RNF44: variants seen among roughly 807,000 people sequenced by gnomAD.
RNF44 encodes ring finger protein 44.
RNF44 carries 25 observed loss-of-function variants against 53.6 expected under a neutral mutation model. The ratio of observed to expected loss-of-function variants is 0.47; its 90% CI spans 0.34 to 0.65. RNF44 has a LOEUF of 0.65. Ranked by LOEUF, RNF44 falls within the 30% of genes least tolerant of loss-of-function variation. The pLI, the probability that RNF44 is intolerant of heterozygous loss-of-function variation, is 0.01. For synonymous variants in RNF44, 282 were observed against 252.2 expected, an observed-to-expected ratio of 1.12 and a Z score of -1.12; for missense variants, 581 against 595.5, an observed-to-expected ratio of 0.98 and a Z score of 0.25.
At chr5:176,530,414 GGTGC>G (rs1561845434) in intron 6 of RNF44, among the ~76,000 whole-genome samples, 164 bp downstream of exon 6, 1 of 106,578 alleles carries the variant, frequency 9.4e-6, no homozygotes, top group African/African-American at 3.5e-5. Flanking sequence ...CCGGAGCCCA[GGTGC>G]AAGTCAGCCC....
chr5:176,528,881 G>C lies in RNF44; in HGVS notation c.*147C>G. On this transcript the variant is annotated 3_prime_UTR_variant, in exon 11 of 11. Transcript: ENST00000274811. ...CAGGGGCTTATTGCAGGGACTCCTC[G>C]CTGGGCTGACCCTGGCACCAGCTCT... The C allele has an allele frequency of 2.7e-6, 2 of 729,424 alleles. No homozygotes were observed. Among genetic ancestry groups the C allele is most frequent in the Admixed American group, 2.9e-5 (1 of 34,644 alleles). 45.2% of individuals were successfully genotyped at this position (729,424 alleles called of 1,614,324 possible). A position where few individuals can be genotyped will look rare whatever the true frequency, so the allele number is the denominator to read the frequency against.
At chr5:176,536,656 G>A (rs1050997236) in intron 1 of RNF44, among the ~76,000 whole-genome samples, 1 of 152,126 alleles carries the variant, frequency 6.6e-6, no homozygotes, top group Non-Finnish European at 1.5e-5. Flanking sequence ...TGTGCTCGGC[G>A]TGAGACAAAA....
At chr5:176,533,004 G>A (rs1176823253) in intron 1 of RNF44, among the ~76,000 whole-genome samples, 1 of 152,158 alleles carries the variant, frequency 6.6e-6, no homozygotes, top group Non-Finnish European at 1.5e-5. Flanking sequence ...CAGCGAGCTG[G>A]CCAGCGTGCT....
At position 176,537,242 on chromosome 5, in the gene RNF44, C is replaced by G. The variant is rs945287127; in HGVS notation, c.-347G>C. 5.3e-5 allele frequency: 8 copies of G among 152,324 alleles called. No homozygotes were observed. The highest frequency in any genetic ancestry group is 1.9e-4 in the African/African-American group (8 of 41,474). The allele number at this position is 152,324 out of a possible 1,614,324, so 9.4% of individuals were successfully genotyped here. ...GACGCAGCTGGGTCTGCGCGGCAGCCGGCGGCTGGCCCTTTAAGAACTGTC... is the reference window on the plus strand; with the variant it reads ...GACGCAGCTGGGTCTGCGCGGCAGCGGGCGGCTGGCCCTTTAAGAACTGTC... On this transcript the variant is annotated 5_prime_UTR_variant, in exon 1 of 11. Coordinates refer to ENST00000274811, the MANE Select transcript of RNF44 (RefSeq NM_014901.5).
rs931621195 is a variant in RNF44 at position 176,528,792 on chromosome 5, G to A, written c.*236C>T. On this transcript the variant is annotated 3_prime_UTR_variant, in exon 11 of 11. Coordinates refer to ENST00000274811, the MANE Select transcript of RNF44 (RefSeq NM_014901.5). ...GGGAGACCCGATCAGGGACACTCAG[G>A]CAGCTCCGTGGCGGGCGGGCAGGCA... The A allele has an allele frequency of 3.4e-6, 2 of 582,604 alleles. No homozygotes were observed. The highest frequency in any genetic ancestry group is 2.8e-5 in the East Asian group (1 of 35,116). 36.1% of individuals were successfully genotyped at this position (582,604 alleles called of 1,614,324 possible).
Position 176,530,921 on chromosome 5 carries a change from G to GCGGGGGC in RNF44, c.565_566insGCCCCCG (p.Ala189GlyfsTer145). 1.3e-6 allele frequency: 1 copy of GCGGGGGC among 778,462 alleles called. No individual in the cohort carries two copies. Among genetic ancestry groups the GCGGGGGC allele is most frequent in the Non-Finnish European group, 1.9e-6 (1 of 514,212 alleles). 48.2% of individuals were successfully genotyped at this position (778,462 alleles called of 1,614,324 possible). A position where few individuals can be genotyped will look rare whatever the true frequency, so the allele number is the denominator to read the frequency against. On this transcript the variant is annotated frameshift_variant, in exon 5 of 11. Coordinates refer to ENST00000274811, the MANE Select transcript of RNF44 (RefSeq NM_014901.5). LOFTEE classifies it high-confidence loss of function. ...CATGTGGGTGGGCTGGGGGGGTGGG[G>GCGGGGGC]CCGGTGGTGGGGGGTGCAGGATGTA... is the stretch of plus-strand genomic sequence containing the variant.
At chr5:176,539,192 C>A (rs1757387971), upstream of RNF44, among the ~76,000 whole-genome samples, 1 of 152,210 alleles carries the variant, frequency 6.6e-6, no homozygotes, top group South Asian at 2.1e-4. Flanking sequence ...CTAAGCAACA[C>A]AAGAGCAAGG....
In RNF44 at chr5:176,531,987, G is replaced by A; in HGVS notation, c.297+17C>T. On this transcript the variant is annotated intron_variant, in intron 3 of 10. Transcript: ENST00000274811. The surrounding 1 kb of genome is among the most constrained non-coding windows in gnomAD (Gnocchi z 4.2). ...GGCTCACAGGGCCAGGGGCACAGGGGATGGGGTTCTGCCTACCTGCTCGTG... is the reference window on the plus strand; with the variant it reads ...GGCTCACAGGGCCAGGGGCACAGGGAATGGGGTTCTGCCTACCTGCTCGTG... The A allele has an allele frequency of 6.2e-7, 1 of 1,601,766 alleles. No individual in the cohort carries two copies. The highest frequency in any genetic ancestry group is 8.5e-7 in the Non-Finnish European group (1 of 1,174,012).
chr5:176,529,726 G>A lies in RNF44; in HGVS notation c.1014+5C>T. 6.2e-7 allele frequency: 1 copy of A among 1,611,646 alleles called. No individual in the cohort carries two copies. The highest frequency in any genetic ancestry group is 8.5e-7 in the Non-Finnish European group (1 of 1,178,860). On this transcript the variant is annotated splice_donor_5th_base_variant and intron_variant, in intron 8 of 10. Transcript: ENST00000274811. ...CCCACCTCCCAGCATGGGGCTCCAT[G>A]GGACCTCATAGTTCTCCATCTCCAC...
rs939225691 is a variant in RNF44 at position 176,527,353 on chromosome 5, C to T, written c.*1675G>A. 2 of 152,512 alleles carry T rather than the reference C, an allele frequency of 1.3e-5. No individual in the cohort carries two copies. The highest frequency in any genetic ancestry group is 2.4e-5 in the African/African-American group (1 of 41,442). 9.4% of individuals were successfully genotyped at this position (152,512 alleles called of 1,614,324 possible). ...CCCCCCAATAGCTGCTTGTTGGAAT[C>T]ACTGCTGCAGCCGACACACAATCTG... On this transcript the variant is annotated 3_prime_UTR_variant, in exon 11 of 11. Coordinates refer to ENST00000274811, the MANE Select transcript of RNF44 (RefSeq NM_014901.5).
chr5:176,531,926 T>C lies in RNF44; in HGVS notation c.297+78A>G. 7.0e-7 allele frequency: 1 copy of C among 1,421,564 alleles called. No homozygotes were observed. Among genetic ancestry groups the C allele is most frequent in the Non-Finnish European group, 9.5e-7 (1 of 1,051,702 alleles). The allele number at this position is 1,421,564 out of a possible 1,614,324, so 88.1% of individuals were successfully genotyped here. A position where few individuals can be genotyped will look rare whatever the true frequency, so the allele number is the denominator to read the frequency against. The stretch of plus-strand genomic sequence containing the variant: ...GGAACGTGAAATGAAGCAAGCTAGG[T>C]GAAATCTAGGCCTTGCTGCCTCTGC... On this transcript the variant is annotated intron_variant, in intron 3 of 10. Transcript: ENST00000274811. The surrounding 1 kb of genome is among the most constrained non-coding windows in gnomAD (Gnocchi z 4.2).
At chr5:176,543,139 C>T in the RNF44 span, among the ~76,000 whole-genome samples, 1 of 151,126 alleles carries the variant, frequency 6.6e-6, no homozygotes, top group Admixed American at 6.6e-5. The surrounding 1 kb of genome is among the most constrained non-coding windows in gnomAD (Gnocchi z 4.0). Flanking sequence ...CGGGCGCCGG[C>T]AGAGGCCTGG....
intron 1 of RNF44, among the ~76,000 whole-genome samples, chr5:176,533,416 CAAG>C (rs1231060902): frequency 6.6e-6 from 1 of 152,166 alleles, no homozygotes; most frequent in African/African-American, 2.4e-5. Context: ...TGAGGCTCAG[CAAG>C]AAGAAACTTG....
chr5:176,529,603 G>C lies in RNF44; in HGVS notation c.1056C>G (p.Pro352=), dbSNP rs766475134. ...NLAERLGDAK[P]RGLTKADIEQ... Reference sequence around the variant, plus strand: ...CTATGTCTGCTTTGGTGAGACCCCGGGGCTTGGCATCTCCCAGCCGCTCGG... The same window carrying C: ...CTATGTCTGCTTTGGTGAGACCCCGCGGCTTGGCATCTCCCAGCCGCTCGG... Residue 352 remains proline, a synonymous_variant, in exon 9 of 11, where the codon CCC becomes CCG. Coordinates refer to ENST00000274811, the MANE Select transcript of RNF44 (RefSeq NM_014901.5). 4.3e-6 allele frequency: 7 copies of C among 1,613,898 alleles called. No homozygotes were observed. Among genetic ancestry groups the C allele is most frequent in the Non-Finnish European group, 5.1e-6 (6 of 1,180,036 alleles).
At chr5:176,542,402 G>A (rs528951874), upstream of RNF44, 1 of 152,642 alleles carries the variant, frequency 6.6e-6, no homozygotes, top group East Asian at 1.9e-4. Context: ...TTCGGGTCTG[G>A]GTCCGCATTT....
In RNF44 at chr5:176,531,532, G is replaced by A; in HGVS notation, c.396C>T (p.Ala132=). 6.2e-7 allele frequency: 1 copy of A among 1,610,462 alleles called. No individual in the cohort carries two copies. ...PTGQHIPGCS[A]QQLPACSVMF... is the part of the protein sequence containing the mutation. Reference sequence around the variant, plus strand: ...TCACGGAGCATGCTGGGAGCTGCTGGGCACTGCAGCCAGGGATGTGCTGGC... The same window carrying A: ...TCACGGAGCATGCTGGGAGCTGCTGAGCACTGCAGCCAGGGATGTGCTGGC... Residue 132 remains alanine (A), a synonymous_variant, in exon 4 of 11, where the codon GCC becomes GCT. Coordinates refer to ENST00000274811, the MANE Select transcript of RNF44 (RefSeq NM_014901.5). This position sits in a 1 kb window ranked among gnomAD's most constrained non-coding sequence, Gnocchi z 4.2.
chr5:176,541,761 C>T (rs775669679), upstream of RNF44, among the ~76,000 whole-genome samples: 4 of 152,174 alleles, frequency 2.6e-5, no homozygotes, highest in Non-Finnish European at 5.9e-5. Flanking sequence ...TTTCTTTCTT[C>T]CAAGGCCCCT....
upstream of RNF44, among the ~76,000 whole-genome samples, chr5:176,538,464 G>A (rs952840432): frequency 7.9e-5 from 12 of 152,088 alleles, no homozygotes; most frequent in African/African-American, 2.7e-4. Flanking sequence ...ACAAAATGGG[G>A]TATTACCTCC....
chr5:176,539,253 A>C (rs1270041003), upstream of RNF44, among the ~76,000 whole-genome samples: 1 of 152,234 alleles, frequency 6.6e-6, no homozygotes, highest in African/African-American at 2.4e-5. Context: ...TCTATCCATC[A>C]CAGTTAAAAA....
Sources: gnomAD v4.1 joint callset for allele counts (sites outside exome capture counted in the v4.1 genomes callset) on GRCh38, gnomAD v4.1.1 for gene constraint, Gnocchi (gnomAD v3.1) non-coding constraint, MANE v1.5 for transcripts, NCBI Gene and HGNC (gene_info 2026-07-23, HGNC 2026-07-21) for gene names.